FAM227B: variants seen among roughly 807,000 people sequenced by gnomAD.
FAM227B encodes protein FAM227B.
Under a neutral mutation model 73.8 loss-of-function variants are expected in FAM227B, and 88 were observed. The observed-to-expected ratio is 1.19, with a 90% CI of 1.00 to 1.42. The LOEUF (loss-of-function observed/expected upper bound fraction) is 1.42. Among genes scored for constraint, FAM227B ranks in the 40% most tolerant of loss-of-function variants. The pLI is 0.00. For missense variants in FAM227B, 632 were observed against 590.9 expected, an observed-to-expected ratio of 1.07 and a Z score of -0.72; for synonymous variants, 210 against 190.5, an observed-to-expected ratio of 1.10 and a Z score of -0.84.
intron 13 of FAM227B, among the ~76,000 whole-genome samples, chr15:49,342,720 C>G (rs1486808836): frequency 6.6e-6 from 1 of 152,094 alleles, no homozygotes; most frequent in Non-Finnish European, 1.5e-5. Flanking sequence ...TGAGACAGGT[C>G]TAGTGGCAAT....
chr15:49,338,871 T>C (rs1419566875), intron 13 of FAM227B, among the ~76,000 whole-genome samples: 2 of 152,226 alleles, frequency 1.3e-5, no homozygotes, highest in African/African-American at 4.8e-5. Flanking sequence ...CTTTACTTCA[T>C]TGAGTTGATT....
intron 10 of FAM227B, among the ~76,000 whole-genome samples, chr15:49,527,307 T>G (rs2060276083): frequency 6.6e-6 from 1 of 151,934 alleles, no homozygotes; most frequent in Non-Finnish European, 1.5e-5. Flanking sequence ...TCTCAATATA[T>G]GCAGAATAAG....
rs2052663085 is a variant in FAM227B at position 49,450,937 on chromosome 15, A to G, written c.1012+57274T>C. 3.3e-5 allele frequency among the ~76,000 whole-genome samples: 5 copies of G among 152,148 alleles called. No homozygotes were observed. In the South Asian group the frequency reaches 1.0e-3, roughly 32 times the overall value. On this transcript the variant is annotated intron_variant, in intron 11 of 15. Transcript: ENST00000299338. Reference sequence around the variant, plus strand: ...AGATATAGTTAGTATAGCTACAGCTAATCAACTCCTTTGAATGCTCCTTCC... The same window carrying G: ...AGATATAGTTAGTATAGCTACAGCTGATCAACTCCTTTGAATGCTCCTTCC...
chr15:49,340,726 C>T (rs1008072092), intron 13 of FAM227B, among the ~76,000 whole-genome samples: 12 of 152,020 alleles, frequency 7.9e-5, no homozygotes, highest in Non-Finnish European at 1.5e-4. Context: ...TTATTGACTA[C>T]GTTGATGTTT....
At chr15:49,509,004 A>AG (rs1344068986) in intron 10 of FAM227B, among the ~76,000 whole-genome samples, 1 of 152,174 alleles carries the variant, frequency 6.6e-6, no homozygotes, top group Admixed American at 6.5e-5. Flanking sequence ...GCAGAGAAAG[A>AG]GGGGAGAACT....
rs1555477439 is a variant in FAM227B, at chr15:49,422,145, A to AGT, written c.1013-50748_1013-50747dup. ...TAGAGAGAGAGAGAGAGAGAGAGAGAGTGTGTGTGTGTGTGTGTGCGCGCG... is the reference window on the plus strand; with the variant it reads ...TAGAGAGAGAGAGAGAGAGAGAGAGAGTGTGTGTGTGTGTGTGTGTGCGCGCG... On this transcript the variant is annotated intron_variant, in intron 11 of 15. Transcript: ENST00000299338. 2.6e-3 allele frequency among the ~76,000 whole-genome samples: 357 copies of AGT among 139,900 alleles called. 4 individuals are homozygous for AGT. The highest frequency in any genetic ancestry group is 0.015 in the East Asian group (69 of 4,602). The allele number at this position is 139,900 out of a possible 152,430, so 91.8% of individuals were successfully genotyped here.
intron 11 of FAM227B, among the ~76,000 whole-genome samples, chr15:49,497,426 T>G (rs917367302): frequency 6.6e-6 from 1 of 152,126 alleles, no homozygotes; most frequent in Non-Finnish European, 1.5e-5. Context: ...CCAAGCCCCT[T>G]TGCAATGATT....
chr15:49,412,685 T>G (rs916864172), intron 11 of FAM227B, among the ~76,000 whole-genome samples: 1 of 152,096 alleles, frequency 6.6e-6, no homozygotes, highest in Non-Finnish European at 1.5e-5. Flanking sequence ...CTGGGGCCTA[T>G]GATATGCTGG....
chr15:49,366,020 T>C, intron 13 of FAM227B: 1 of 801,958 alleles, frequency 1.2e-6, no homozygotes, highest in Non-Finnish European at 2.3e-6. Flanking sequence ...ATTACAACTG[T>C]AAGAGGACTA....
chr15:49,422,074 A>C (rs542749566), intron 11 of FAM227B, among the ~76,000 whole-genome samples: 2 of 149,990 alleles, frequency 1.3e-5, no homozygotes, highest in East Asian at 3.9e-4. Flanking sequence ...TCCTTTTCCT[A>C]TTTGGTCTAC....
intron 9 of FAM227B, among the ~76,000 whole-genome samples, chr15:49,550,745 G>A (rs748467236): frequency 9.4e-5 from 14 of 148,464 alleles, no homozygotes; most frequent in South Asian, 2.1e-4. Context: ...AGAGGCGCTC[G>A]TCACTTCCTA....
rs199516811 is a variant in FAM227B, at chr15:49,328,148, C to T, written c.*420G>A. The T allele has an allele frequency of 5.0e-6, 8 of 1,613,236 alleles. No homozygotes were observed. In the African/African-American group the frequency reaches 9.4e-5, roughly 19 times the overall value. On this transcript the variant is annotated 3_prime_UTR_variant, in exon 16 of 16. Transcript: ENST00000299338. The stretch of plus-strand genomic sequence containing the variant: ...ACCTGGAGGTGGGGCTTTGGTTTTG[C>T]TTGAGGCCTGAAAAAATGTAAAAAG...
intron 11 of FAM227B, 28 bp from the exon 12 acceptor site, chr15:49,371,427 A>G (rs768895802): frequency 2.2e-6 from 3 of 1,369,936 alleles, no homozygotes; most frequent in Non-Finnish European, 3.0e-6. Context: ...ATACTTTTTA[A>G]AATTCTGGTA....
intron 11 of FAM227B, among the ~76,000 whole-genome samples, chr15:49,451,320 A>T (rs1264739643): frequency 2.0e-5 from 3 of 152,066 alleles, no homozygotes; most frequent in Admixed American, 6.6e-5. Context: ...AAACTAAAAA[A>T]GTTTTATTAG....
intron 11 of FAM227B, among the ~76,000 whole-genome samples, chr15:49,504,791 G>A (rs957341909): frequency 1.3e-5 from 2 of 152,044 alleles, no homozygotes; most frequent in Non-Finnish European, 2.9e-5. Flanking sequence ...AGCCAATTGA[G>A]CCTCTTTTTT....
At chr15:49,568,156 A>G in intron 9 of FAM227B, 89 bp downstream of exon 9, 1 of 1,147,342 alleles carries the variant, frequency 8.7e-7, no homozygotes, top group Non-Finnish European at 1.2e-6. Context: ...AACAAAATAT[A>G]TTCTCATATG....
chr15:49,454,376 A>C (rs1597303070), intron 11 of FAM227B, among the ~76,000 whole-genome samples: 2 of 152,150 alleles, frequency 1.3e-5, no homozygotes, highest in African/African-American at 4.8e-5. Flanking sequence ...AAAAACACTA[A>C]TATCATCCTA....
At chr15:49,598,989 A>G (rs1173106113) in intron 3 of FAM227B, among the ~76,000 whole-genome samples, 3 of 151,840 alleles carry the variant, frequency 2.0e-5, no homozygotes, top group Admixed American at 6.6e-5. Context: ...TTCCTCTTCT[A>G]TTTTTCAGAA....
At chr15:49,338,268 C>T (rs960012370) in intron 13 of FAM227B, among the ~76,000 whole-genome samples, 1 of 152,172 alleles carries the variant, frequency 6.6e-6, no homozygotes, top group Non-Finnish European at 1.5e-5. Context: ...TGCCTGGTAC[C>T]GGTTGTTCCT....
Sources: gnomAD v4.1 joint callset for allele counts (sites outside exome capture counted in the v4.1 genomes callset) on GRCh38, gnomAD v4.1.1 for gene constraint, MANE v1.5 for transcripts, NCBI Gene and HGNC (gene_info 2026-07-23, HGNC 2026-07-21) for gene names.